GNA14: variants seen among roughly 807,000 people sequenced by gnomAD.
The protein encoded by GNA14 is G protein subunit alpha 14, also known as guanine nucleotide-binding protein subunit alpha-14.
Under a neutral mutation model 42.0 loss-of-function variants are expected in GNA14, and 50 were observed. The ratio of observed to expected loss-of-function variants is 1.19; its 90% CI spans 0.95 to 1.51. GNA14 has a LOEUF of 1.51. GNA14 is among the 40% of genes most tolerant of loss of function. The pLI, the probability that GNA14 is intolerant of heterozygous loss-of-function variation, is 0.00. For synonymous variants in GNA14, 173 were observed against 163.1 expected (o/e 1.06, Z -0.46); for missense variants, 473 against 446.2 (o/e 1.06, Z -0.54).
chr9:77,446,625 AAGG>A (rs1835822177), intron 2 of GNA14, among the ~76,000 whole-genome samples: 1 of 152,098 alleles, frequency 6.6e-6, no homozygotes, highest in African/African-American at 2.4e-5. Context: ...AGGGAGAGTG[AAGG>A]AGAAGGGGTG....
chr9:77,459,504 C>T (rs1217651980), intron 2 of GNA14, among the ~76,000 whole-genome samples: 1 of 151,978 alleles, frequency 6.6e-6, no homozygotes, highest in Non-Finnish European at 1.5e-5. Context: ...TGTCTCTTTG[C>T]AACTTCCTCC....
At chr9:77,623,074 G>A (rs1823954176) in intron 1 of GNA14, among the ~76,000 whole-genome samples, 1 of 150,814 alleles carries the variant, frequency 6.6e-6, no homozygotes, top group Admixed American at 6.6e-5. Context: ...AATTAGCCAG[G>A]TGTGGTGGCA....
chr9:77,566,401 C>G (rs12340293), intron 1 of GNA14, among the ~76,000 whole-genome samples: 1 of 151,776 alleles, frequency 6.6e-6, no homozygotes, highest in African/African-American at 2.4e-5. Context: ...GTGATCTGCC[C>G]GCCTCAGCCT....
At chr9:77,483,718 A>G (rs1385851855) in intron 2 of GNA14, among the ~76,000 whole-genome samples, 1 of 152,190 alleles carries the variant, frequency 6.6e-6, no homozygotes, top group Non-Finnish European at 1.5e-5. Flanking sequence ...GTCTTATATG[A>G]AAATTCCCAG....
At chr9:77,504,602 A>G (rs1244330145) in intron 2 of GNA14, among the ~76,000 whole-genome samples, 1 of 146,512 alleles carries the variant, frequency 6.8e-6, no homozygotes, top group Non-Finnish European at 1.5e-5. Context: ...AACTGGCTGC[A>G]TCCTCCGTTG....
chr9:77,550,206 G>C (rs2131781188), intron 1 of GNA14, among the ~76,000 whole-genome samples: 1 of 152,258 alleles, frequency 6.6e-6, no homozygotes, highest in East Asian at 1.9e-4. Flanking sequence ...GGTTGAAGCA[G>C]TAACTATCAA....
At chr9:77,573,929 T>C (rs1468786565) in intron 1 of GNA14, among the ~76,000 whole-genome samples, 1 of 152,160 alleles carries the variant, frequency 6.6e-6, no homozygotes, top group Non-Finnish European at 1.5e-5. Flanking sequence ...GTATTATTCA[T>C]ATGTATCTAC....
intron 2 of GNA14, among the ~76,000 whole-genome samples, chr9:77,505,068 T>C (rs1297833730): frequency 1.3e-5 from 2 of 152,276 alleles, no homozygotes; most frequent in East Asian, 1.9e-4. Context: ...ATTAGAGATA[T>C]GAATTTCAAC....
chr9:77,500,960 CTT>C (rs796216032), intron 2 of GNA14, among the ~76,000 whole-genome samples: 2 of 146,298 alleles, frequency 1.4e-5, no homozygotes, highest in Non-Finnish European at 1.5e-5. Flanking sequence ...TAGTTGAACT[CTT>C]TTTTTTTTTT....
At chr9:77,426,561 C>T (rs1361428383) in intron 5 of GNA14, among the ~76,000 whole-genome samples, 1 of 152,198 alleles carries the variant, frequency 6.6e-6, no homozygotes, top group African/African-American at 2.4e-5. Context: ...GCCTCGGCCT[C>T]CCAAAGTGCT....
rs1277099433 is a variant in GNA14, at chr9:77,626,916, C to G, written c.124+20754G>C. Among the ~76,000 whole-genome samples, 19 of 151,872 alleles carry G rather than the reference C, an allele frequency of 1.3e-4. 1 individual carries two copies. The highest frequency in any genetic ancestry group is 1.2e-3 in the Admixed American group (19 of 15,240). On this transcript the variant is annotated intron_variant, in intron 1 of 6. Coordinates refer to ENST00000341700, the MANE Select transcript of GNA14 (RefSeq NM_004297.4). The stretch of plus-strand genomic sequence containing the variant: ...GAACTGAAGAAGATAGAGACACGAA[C>G]AACCCTTTAAAAAATCAATGAACGC...
At chr9:77,532,511 G>A (rs1191024961) in intron 1 of GNA14, among the ~76,000 whole-genome samples, 1 of 152,164 alleles carries the variant, frequency 6.6e-6, no homozygotes, top group African/African-American at 2.4e-5. Context: ...TTTAACTCAA[G>A]CTAAGGATCT....
At chr9:77,576,168 G>A (rs536570714) in intron 1 of GNA14, among the ~76,000 whole-genome samples, 1 of 152,236 alleles carries the variant, frequency 6.6e-6, no homozygotes, top group Admixed American at 6.5e-5. Flanking sequence ...TCAATATCAT[G>A]GCTTGTTAAG....
intron 1 of GNA14, among the ~76,000 whole-genome samples, chr9:77,624,177 C>T (rs1220237786): frequency 1.3e-5 from 2 of 152,290 alleles, no homozygotes; most frequent in East Asian, 1.9e-4. Context: ...AGCAGATCCC[C>T]CCACAGCACT....
intron 1 of GNA14, among the ~76,000 whole-genome samples, chr9:77,609,569 C>T (rs918391706): frequency 4.6e-5 from 7 of 152,128 alleles, no homozygotes; most frequent in Admixed American, 3.3e-4. Context: ...GTAAAATACT[C>T]CTAACAAAAT....
At chr9:77,532,181 C>A (rs1157706515) in intron 1 of GNA14, among the ~76,000 whole-genome samples, 1 of 152,130 alleles carries the variant, frequency 6.6e-6, no homozygotes, top group Non-Finnish European at 1.5e-5. Flanking sequence ...TCCAAGGTCA[C>A]TCAGTTTGGA....
At chr9:77,522,672 C>T (rs1423212084) in intron 2 of GNA14, among the ~76,000 whole-genome samples, 17 of 152,160 alleles carry the variant, frequency 1.1e-4, no homozygotes, top group Non-Finnish European at 2.2e-4. Context: ...CTGGGAGGGA[C>T]CTAAAACTCA....
At chr9:77,498,584 T>C (rs1836914899) in intron 2 of GNA14, among the ~76,000 whole-genome samples, 1 of 152,164 alleles carries the variant, frequency 6.6e-6, no homozygotes, top group Non-Finnish European at 1.5e-5. Flanking sequence ...ATGTGCATTC[T>C]AGTGCTCAAC....
At chr9:77,586,381 A>G (rs1008287140) in intron 1 of GNA14, among the ~76,000 whole-genome samples, 7 of 152,220 alleles carry the variant, frequency 4.6e-5, no homozygotes, top group African/African-American at 1.7e-4. Context: ...ATAGTCAACA[A>G]GCATATGAAA....
Sources: gnomAD v4.1 joint callset for allele counts (sites outside exome capture counted in the v4.1 genomes callset) on GRCh38, gnomAD v4.1.1 for gene constraint, MANE v1.5 for transcripts, NCBI Gene and HGNC (gene_info 2026-07-23, HGNC 2026-07-21) for gene names.